NEDD4: variants seen among roughly 807,000 people sequenced by gnomAD.
NEDD4 encodes the protein E3 ubiquitin-protein ligase NEDD4.
A neutral mutation model predicts 144.9 loss-of-function variants in NEDD4; 99 were observed. That is an observed-to-expected ratio of 0.68 (90% CI 0.58 to 0.81). The LOEUF is 0.81. NEDD4 is among the 30% of genes least tolerant of loss of function. The pLI is 0.00. For synonymous variants in NEDD4, 318 were observed against 350.6 expected (o/e 0.91, Z 1.04); for missense variants, 985 against 1,065.9 (o/e 0.92, Z 1.06).
At chr15:55,847,958 G>A (rs1409798945) in intron 17 of NEDD4, among the ~76,000 whole-genome samples, 1 of 152,180 alleles carries the variant, frequency 6.6e-6, no homozygotes, top group Non-Finnish European at 1.5e-5. Flanking sequence ...GGGATTACAG[G>A]TGTGAGCCTG....
At chr15:55,980,260 G>T (rs1336757554) in intron 1 of NEDD4, among the ~76,000 whole-genome samples, 1 of 152,146 alleles carries the variant, frequency 6.6e-6, no homozygotes, top group Non-Finnish European at 1.5e-5. Flanking sequence ...ATACCCCTCT[G>T]TAGAAACAAA....
At chr15:55,841,912 T>C in intron 19 of NEDD4, 22 bp downstream of exon 19, 1 of 1,576,334 alleles carries the variant, frequency 6.3e-7, no homozygotes, top group South Asian at 1.1e-5. Flanking sequence ...TTTCTGCCGA[T>C]AATCATTGTA....
At chr15:55,908,753 G>A (rs2142183614) in intron 5 of NEDD4, among the ~76,000 whole-genome samples, 1 of 152,276 alleles carries the variant, frequency 6.6e-6, no homozygotes, top group South Asian at 2.1e-4. Flanking sequence ...TTAGAGGGTA[G>A]CCTGTGAGTC....
chr15:55,938,793 A>T lies in NEDD4; in HGVS notation c.237+12583T>A, dbSNP rs533443508. The stretch of plus-strand genomic sequence containing the variant: ...AATAGTAAAAAAAAAACAAGCATCA[A>T]CAACAACAACAATAACAAAATAAAA... On this transcript the variant is annotated intron_variant, in intron 4 of 28. Coordinates refer to ENST00000435532, the MANE Select transcript of NEDD4 (RefSeq NM_006154.4). Among the ~76,000 whole-genome samples, 18 of 152,134 alleles carry T rather than the reference A, an allele frequency of 1.2e-4. No homozygotes were observed. In the South Asian group the frequency reaches 3.1e-3, roughly 26 times the overall value.
At chr15:55,832,446 A>C (rs2032996470) in intron 27 of NEDD4, among the ~76,000 whole-genome samples, 1 of 152,104 alleles carries the variant, frequency 6.6e-6, no homozygotes, top group Non-Finnish European at 1.5e-5. Context: ...ACAGGGTCTC[A>C]GTCTGTCACC....
At chr15:55,867,058 A>G (rs1241723261) in intron 8 of NEDD4, among the ~76,000 whole-genome samples, 2 of 152,246 alleles carry the variant, frequency 1.3e-5, no homozygotes, top group East Asian at 3.8e-4. Context: ...AACTAACCCT[A>G]AAGTTGCAAA....
At chr15:55,954,426 T>C (rs529120431) in intron 2 of NEDD4, among the ~76,000 whole-genome samples, 1 of 152,320 alleles carries the variant, frequency 6.6e-6, no homozygotes, top group East Asian at 1.9e-4. Flanking sequence ...CTATTAAATA[T>C]AAATACAAAA....
intron 12 of NEDD4, among the ~76,000 whole-genome samples, chr15:55,855,498 G>C (rs1326453686): frequency 6.6e-6 from 1 of 152,170 alleles, no homozygotes; most frequent in African/African-American, 2.4e-5. Flanking sequence ...GTTTTACTTT[G>C]GTTTCAAAAA....
rs1595788879 is a variant in NEDD4 at position 55,880,294 on chromosome 15, A to G, written c.292-6286T>C. On this transcript the variant is annotated intron_variant, in intron 5 of 28. Transcript: ENST00000435532. Reference sequence around the variant, plus strand: ...GTGACGGAGTGAGACCCCGTCTCCAAAAAAAAAGAATAAAAAGGCCCACTG... The same window carrying G: ...GTGACGGAGTGAGACCCCGTCTCCAGAAAAAAAGAATAAAAAGGCCCACTG... Among the ~76,000 whole-genome samples, 3 of 152,060 alleles carry G rather than the reference A, an allele frequency of 2.0e-5. No individual in the cohort carries two copies. The South Asian group carries it at 6.2e-4, about 32-fold the overall frequency.
intron 5 of NEDD4, among the ~76,000 whole-genome samples, chr15:55,900,165 AAGG>A (rs1368590882): frequency 7.9e-5 from 12 of 152,074 alleles, no homozygotes; most frequent in African/African-American, 2.9e-4. Context: ...ATCGTAAGGA[AAGG>A]AGGAGGAACC....
intron 4 of NEDD4, among the ~76,000 whole-genome samples, chr15:55,950,829 C>A (rs765102231): frequency 5.3e-5 from 8 of 152,146 alleles, no homozygotes; most frequent in Non-Finnish European, 8.8e-5. Flanking sequence ...TAAAATGCAT[C>A]TCTACCACTG....
chr15:55,866,219 TC>T (rs1166129604), intron 8 of NEDD4, among the ~76,000 whole-genome samples: 1 of 148,990 alleles, frequency 6.7e-6, no homozygotes, highest in Non-Finnish European at 1.5e-5. Context: ...CAACCTTTCT[TC>T]TTTTTTTTTT....
chr15:55,866,023 T>C (rs758602765), intron 8 of NEDD4, among the ~76,000 whole-genome samples: 25 of 151,978 alleles, frequency 1.6e-4, no homozygotes, highest in Non-Finnish European at 3.4e-4. Flanking sequence ...CCTTGACCTC[T>C]TGAGCTCAAG....
intron 24 of NEDD4, among the ~76,000 whole-genome samples, chr15:55,837,278 A>G (rs2033251302): frequency 6.6e-6 from 1 of 151,920 alleles, no homozygotes; most frequent in African/African-American, 2.4e-5. Flanking sequence ...AAAAATACAA[A>G]AATTAGCCAG....
intron 19 of NEDD4, among the ~76,000 whole-genome samples, chr15:55,841,414 A>C (rs1351003220): frequency 6.6e-6 from 1 of 152,224 alleles, no homozygotes; most frequent in Non-Finnish European, 1.5e-5. Flanking sequence ...AGTCAAATTC[A>C]TAGGGACAGA....
At chr15:55,887,987 A>T (rs1204679018) in intron 5 of NEDD4, among the ~76,000 whole-genome samples, 2 of 152,232 alleles carry the variant, frequency 1.3e-5, no homozygotes, top group South Asian at 2.1e-4. Flanking sequence ...AATATAGCTC[A>T]ACATAACAAA....
At chr15:55,855,233 TCC>T (rs1464820200) in intron 12 of NEDD4, among the ~76,000 whole-genome samples, 1 of 152,168 alleles carries the variant, frequency 6.6e-6, no homozygotes, top group Non-Finnish European at 1.5e-5. Context: ...GACTCTGCAT[TCC>T]TGTGCTAGAA....
Position 55,838,501 on chromosome 15 carries a change from T to G in NEDD4, c.2127+8A>C. 6.3e-7 allele frequency: 1 copy of G among 1,599,670 alleles called. No individual in the cohort carries two copies. The highest frequency in any genetic ancestry group is 8.6e-7 in the Non-Finnish European group (1 of 1,168,056). On this transcript the variant is annotated splice_region_variant and intron_variant, in intron 22 of 28. Coordinates refer to ENST00000435532, the MANE Select transcript of NEDD4 (RefSeq NM_006154.4). ...ATGTGCCATTTTAACTGATCAAAAT[T>G]CACAAACCTGTCCAAAAAGTTCTTC...
intron 5 of NEDD4, chr15:55,915,503 A>T (rs758187870): frequency 6.2e-7 from 1 of 1,613,856 alleles, no homozygotes; most frequent in Non-Finnish European, 8.5e-7. Context: ...TCATCTGTGA[A>T]TGTGGTCTTT....
Sources: allele counts gnomAD v4.1 joint callset (sites outside exome capture counted in the v4.1 genomes callset), GRCh38; gene constraint gnomAD v4.1.1; transcripts MANE v1.5; gene names NCBI Gene and HGNC (gene_info 2026-07-23, HGNC 2026-07-21).